The following AFG2A variants were observed in gnomAD, a reference collection of about 807,000 sequenced individuals.
AFG2A encodes the protein AAA ATPase AFG2A.
the AFG2A span, among the ~76,000 whole-genome samples, chr4:123,005,887 C>G: frequency 6.6e-6 from 1 of 152,158 alleles, no homozygotes. Flanking sequence ...TCAAAACATA[C>G]TGTCATCAGT....
the AFG2A span, among the ~76,000 whole-genome samples, chr4:122,982,684 G>A: frequency 1.3e-5 from 2 of 151,980 alleles, no homozygotes; most frequent in African/African-American, 4.8e-5. Context: ...GGCCTGTTCA[G>A]ATTTTCTTTA....
the AFG2A span, among the ~76,000 whole-genome samples, chr4:122,936,343 A>G: frequency 6.6e-6 from 1 of 152,230 alleles, no homozygotes; most frequent in Admixed American, 6.5e-5. Context: ...AATATTATTA[A>G]ATTACATAAA....
At chr4:122,987,204 G>C in the AFG2A span, among the ~76,000 whole-genome samples, 1 of 151,962 alleles carries the variant, frequency 6.6e-6, no homozygotes, top group East Asian at 1.9e-4. Flanking sequence ...TATGCAAATA[G>C]CAATCAAAAT....
the AFG2A span, among the ~76,000 whole-genome samples, chr4:123,105,066 A>G: frequency 6.6e-6 from 1 of 152,230 alleles, no homozygotes; most frequent in Non-Finnish European, 1.5e-5. Flanking sequence ...GCTAGAGAAG[A>G]GAAATTAATG....
the AFG2A span, among the ~76,000 whole-genome samples, chr4:123,007,646 C>CAT: frequency 8.3e-5 from 3 of 36,184 alleles, no homozygotes; most frequent in Middle Eastern, 9.1e-3. Flanking sequence ...ACACACAACA[C>CAT]ACACACACAC....
the AFG2A span, among the ~76,000 whole-genome samples, chr4:123,056,175 C>T: frequency 6.6e-6 from 1 of 152,154 alleles, no homozygotes. Flanking sequence ...TAGTCACAGC[C>T]TTTCCTTTGT....
the AFG2A span, among the ~76,000 whole-genome samples, chr4:123,098,463 G>A: frequency 6.6e-6 from 1 of 151,962 alleles, no homozygotes; most frequent in Admixed American, 6.6e-5. Flanking sequence ...TAGACCTCTT[G>A]AACTTATTTC....
the AFG2A span, among the ~76,000 whole-genome samples, chr4:123,089,071 C>T: frequency 1.3e-5 from 2 of 152,148 alleles, no homozygotes; most frequent in Non-Finnish European, 2.9e-5. Context: ...ATTTTAAATA[C>T]TGGAGAAGAC....
the AFG2A span, among the ~76,000 whole-genome samples, chr4:123,068,643 C>T: frequency 2.6e-5 from 4 of 152,076 alleles, no homozygotes; most frequent in Non-Finnish European, 5.9e-5. Flanking sequence ...TTCATACCTG[C>T]CAACAAGAAT....
the AFG2A span, chr4:123,319,009 A>G: frequency 1.3e-5 from 2 of 152,144 alleles, no homozygotes; most frequent in African/African-American, 4.8e-5. Context: ...AGGAGATTTT[A>G]GTTTGAATAG....
At chr4:123,137,180 C>G in the AFG2A span, among the ~76,000 whole-genome samples, 1 of 152,140 alleles carries the variant, frequency 6.6e-6, no homozygotes, top group African/African-American at 2.4e-5. Context: ...CTGTGCAGAC[C>G]AGTTCTTAAT....
the AFG2A span, among the ~76,000 whole-genome samples, chr4:122,992,481 A>T: frequency 7.2e-5 from 11 of 152,370 alleles, no homozygotes; most frequent in South Asian, 2.3e-3. Flanking sequence ...TCTGGCAATT[A>T]CATCTACAAA....
chr4:122,971,396 G>A, the AFG2A span, among the ~76,000 whole-genome samples: 2 of 152,196 alleles, frequency 1.3e-5, no homozygotes, highest in Non-Finnish European at 2.9e-5. Context: ...GACAGAGTGA[G>A]ACCCTGTCTC....
At chr4:123,211,671 A>T in the AFG2A span, among the ~76,000 whole-genome samples, 2 of 152,126 alleles carry the variant, frequency 1.3e-5, no homozygotes, top group Non-Finnish European at 2.9e-5. Flanking sequence ...TTTCACCTAA[A>T]CTCATAATTT....
the AFG2A span, among the ~76,000 whole-genome samples, chr4:123,255,360 A>C: frequency 6.6e-6 from 1 of 152,108 alleles, no homozygotes; most frequent in African/African-American, 2.4e-5. Context: ...CCCCGTCTCT[A>C]CTAAAAATTA....
the AFG2A span, among the ~76,000 whole-genome samples, chr4:122,944,844 T>A: frequency 6.6e-6 from 1 of 152,208 alleles, no homozygotes; most frequent in Admixed American, 6.5e-5. Flanking sequence ...TTGTTAGTTT[T>A]CCTTCTAACA....
At chr4:123,088,262 A>G in the AFG2A span, among the ~76,000 whole-genome samples, 1 of 152,034 alleles carries the variant, frequency 6.6e-6, no homozygotes, top group Non-Finnish European at 1.5e-5. Context: ...TACCTTAGAA[A>G]CCATCTTTCT....
the AFG2A span, among the ~76,000 whole-genome samples, chr4:123,074,867 C>T: frequency 4.6e-4 from 70 of 152,178 alleles, no homozygotes; most frequent in Non-Finnish European, 8.2e-4. Context: ...TTTAGGGTTT[C>T]GAGGAATGGG....
At chr4:123,084,654 G>T in the AFG2A span, among the ~76,000 whole-genome samples, 5 of 150,954 alleles carry the variant, frequency 3.3e-5, no homozygotes, top group Non-Finnish European at 7.4e-5. Context: ...ACAGAGACAG[G>T]GTCTTGCTCT....
Sources: gnomAD v4.1 joint callset for allele counts (sites outside exome capture counted in the v4.1 genomes callset) on GRCh38, gnomAD v4.1.1 for gene constraint, MANE v1.5 for transcripts, NCBI Gene and HGNC (gene_info 2026-07-23, HGNC 2026-07-21) for gene names.